The following MYO15A variants were observed in gnomAD, a reference collection of about 807,000 sequenced individuals.
MYO15A encodes unconventional myosin-XV.
MYO15A carries 308 observed loss-of-function variants against 394.6 expected under a neutral mutation model. The ratio of observed to expected loss-of-function variants is 0.78; its 90% confidence interval spans 0.71 to 0.86. The LOEUF is 0.86. Among genes scored for constraint, MYO15A ranks in the 40% least tolerant of loss-of-function variants. The pLI is 0.00. For synonymous variants in MYO15A, 1,957 were observed against 2,003.8 expected (o/e 0.98, Z 0.62); for missense variants, 4,606 against 4,799.1 (o/e 0.96, Z 1.19).
At chr17:18,146,413 T>C (rs977965033) in intron 30 of MYO15A, among the ~76,000 whole-genome samples, 1 of 152,122 alleles carries the variant, frequency 6.6e-6, no homozygotes, top group Non-Finnish European at 1.5e-5. Flanking sequence ...GAGAGTTTAA[T>C]GGGGTGGTTA....
intron 52 of MYO15A, 42 bp downstream of exon 52, chr17:18,158,680 C>A (rs758657760): frequency 1.2e-5 from 19 of 1,599,404 alleles, no homozygotes; most frequent in Middle Eastern, 1.6e-4. Context: ...TGGGAGGGTG[C>A]TGGGCTTCTT....
Position 18,153,886 on chromosome 17 carries a change from T to C in MYO15A, c.8078T>C (p.Leu2693Pro). 1.2e-6 allele frequency: 2 copies of C among 1,613,144 alleles called. No homozygotes were observed. Among genetic ancestry groups the C allele is most frequent in the South Asian group, 2.2e-5 (2 of 91,058 alleles). ...CAGGACGCCCCCTGGAAGATCTTCC[T>C]GCGCAAAGAGGTGCCGAGCACAGCC... ...GYQDAPWKIF[L>P]RKEVFYPKDS... Residue 2693 changes from leucine to proline, a missense_variant, in exon 43 of 66, where the codon CTG becomes CCG. Around this residue, in one of 2 missense-constraint regions of MYO15A, gnomAD observed 2,776 missense variants for 3,109.3 expected, o/e 0.89. Coordinates refer to ENST00000647165, the MANE Select transcript of MYO15A (RefSeq NM_016239.4). This position sits in a 1 kb window ranked among gnomAD's most constrained non-coding sequence, Gnocchi z 4.1.
Position 18,122,237 on chromosome 17 carries a change from A to G in MYO15A, c.3437A>G (p.Lys1146Arg). The G allele has an allele frequency of 2.5e-6, 4 of 1,613,192 alleles. No individual in the cohort carries two copies. Among genetic ancestry groups the G allele is most frequent in the Non-Finnish European group, 3.4e-6 (4 of 1,180,024 alleles). The change falls in exon 2 of 66, where the codon AAG becomes AGG. Residue 1146 changes from lysine (K) to arginine (R), a missense_variant. Coordinates refer to ENST00000647165, the MANE Select transcript of MYO15A (RefSeq NM_016239.4). ...KPQVQPIQDPKPRACSLRWSC... is the reference protein window; with the variant it reads ...KPQVQPIQDPRPRACSLRWSC... ...CAAGTCCAGCCCATTCAGGACCCCA[A>G]GCCAAGAGCCTGTAGTCTTCGCTGG...
chr17:18,124,290 GTC>G, intron 2 of MYO15A, 191 bp from the exon 3 acceptor site: 1 of 660,890 alleles, frequency 1.5e-6, no homozygotes. Flanking sequence ...GTATGCGTGT[GTC>G]TCATGTGTGA....
intron 56 of MYO15A, among the ~76,000 whole-genome samples, chr17:18,160,250 C>T (rs1454031922): frequency 6.6e-6 from 1 of 152,180 alleles, no homozygotes; most frequent in Non-Finnish European, 1.5e-5. Context: ...TGTGTAAGTC[C>T]AGATTCTTAG....
chr17:18,124,531 G>C lies in MYO15A; in HGVS notation c.3658G>C (p.Gly1220Arg), dbSNP rs146754758. ...LPSMRFREQH[G>R]EDGVEDMTQL... ...ATCCATGCGGTTCCGTGAGCAGCAC[G>C]GGGAGGATGGTGTGGAGGACATGAC... is the stretch of plus-strand genomic sequence containing the variant. The change falls in exon 3 of 66, where the codon GGG (glycine) becomes CGG (arginine). Residue 1220 changes from glycine (G) to arginine (R), a missense_variant. Transcript: ENST00000647165. 281 of 1,613,198 alleles carry C rather than the reference G, an allele frequency of 1.7e-4. 2 individuals carry two copies. The African/African-American group carries it at 3.2e-3, about 18-fold the overall frequency.
chr17:18,137,607 G>T lies in MYO15A; in HGVS notation c.4803G>T (p.Glu1601Asp). 1 of 1,614,072 alleles carries T rather than the reference G, an allele frequency of 6.2e-7. No individual in the cohort carries two copies. The change falls in exon 16 of 66, where the codon GAG (glutamate) becomes GAT (aspartate). Residue 1601 changes from glutamate (E) to aspartate (D), a missense_variant. Glu to Asp is a conservative substitution (Grantham distance 45, BLOSUM62 2). Coordinates refer to ENST00000647165, the MANE Select transcript of MYO15A (RefSeq NM_016239.4). The part of the protein sequence containing the change: ...GFEDLSFNSF[E>D]QLCINYANEN... The stretch of plus-strand genomic sequence containing the variant: ...AGGACCTGAGCTTCAACAGCTTTGA[G>T]CAGCTGTGTATTAACTACGCAAACG...
chr17:18,148,432 A>G lies in MYO15A; in HGVS notation c.6692-64A>G. On this transcript the variant is annotated intron_variant, in intron 31 of 65. Transcript: ENST00000647165. This position sits in a 1 kb window ranked among gnomAD's most constrained non-coding sequence, Gnocchi z 4.8. The stretch of plus-strand genomic sequence containing the variant: ...GGAAGCCTGAAAGGAAGAAGCAAGC[A>G]GGGAGGCACAGCCAAACTGGACTCA... 6.5e-7 allele frequency: 1 copy of G among 1,536,246 alleles called. No homozygotes were observed. The highest frequency in any genetic ancestry group is 8.8e-7 in the Non-Finnish European group (1 of 1,134,330).
Position 18,151,952 on chromosome 17 carries a change from G to A in MYO15A, c.7893+1G>A, listed in dbSNP as rs727503316. 9.0e-6 allele frequency: 14 copies of A among 1,557,572 alleles called. No individual in the cohort carries two copies. The highest frequency in any genetic ancestry group is 1.2e-5 in the Non-Finnish European group (14 of 1,149,842). ...CCTGGCAGCTGCACCTGGCACCCAGGTGAGGGGGGAAGGTGGGGCTGAGCC... is the reference window on the plus strand; with the variant it reads ...CCTGGCAGCTGCACCTGGCACCCAGATGAGGGGGGAAGGTGGGGCTGAGCC... On this transcript the variant is annotated splice_donor_variant, in intron 41 of 65. Transcript: ENST00000647165. LOFTEE classifies it high-confidence loss of function.
Position 18,148,698 on chromosome 17 carries a change from T to C in MYO15A, c.6765-63T>C, listed in dbSNP as rs948646603. The C allele has an allele frequency of 1.3e-6, 2 of 1,550,782 alleles. No homozygotes were observed. The highest frequency in any genetic ancestry group is 1.9e-5 in the Admixed American group (1 of 51,566). ...TTAGGGTCTGGCTTATAACCCAGGA[T>C]CTCCCCAGGTAGTGCCTGATGACTC... On this transcript the variant is annotated intron_variant, in intron 32 of 65. Transcript: ENST00000647165. The surrounding 1 kb of genome is among the most constrained non-coding windows in gnomAD (Gnocchi z 4.8).
intron 52 of MYO15A, 62 bp from the exon 53 acceptor site, chr17:18,158,863 T>A: frequency 6.3e-7 from 1 of 1,592,400 alleles, no homozygotes; most frequent in Non-Finnish European, 8.6e-7. Flanking sequence ...CTTTCCCATG[T>A]GGAAAAGGAT....
In MYO15A at chr17:18,119,849, A is replaced by G; in HGVS notation, c.1049A>G (p.Asp350Gly). ...TACCTGGATCCCTATGCGCCGTACGACGCGCCATACCCACCCTATGACCTC... is the reference window on the plus strand; with the variant it reads ...TACCTGGATCCCTATGCGCCGTACGGCGCGCCATACCCACCCTATGACCTC... Reference protein sequence around the residue: ...GYYLDPYAPYDAPYPPYDLPY... With the variant: ...GYYLDPYAPYGAPYPPYDLPY... Residue 350 changes from aspartate (D) to glycine (G), a missense_variant, in exon 2 of 66, where the codon GAC becomes GGC. Physicochemically the swap from Asp to Gly is moderately conservative, Grantham distance 94 (BLOSUM62 -1). This residue lies in a region of MYO15A where 1,830 missense variants were observed against 1,689.7 expected (regional missense o/e 1.08). Coordinates refer to ENST00000647165, the MANE Select transcript of MYO15A (RefSeq NM_016239.4). 1 of 1,613,060 alleles carries G rather than the reference A, an allele frequency of 6.2e-7. No individual in the cohort carries two copies. Among genetic ancestry groups the G allele is most frequent in the Non-Finnish European group, 8.5e-7 (1 of 1,179,970 alleles).
At position 18,152,006 on chromosome 17, in the gene MYO15A, T is replaced by G; in HGVS notation, c.7893+55T>G. ...GTGGAACAGAAGACAAAGAGGGGCCTCAGGGATCCTCAGAAACCAGCTACC... is the reference window on the plus strand; with the variant it reads ...GTGGAACAGAAGACAAAGAGGGGCCGCAGGGATCCTCAGAAACCAGCTACC... On this transcript the variant is annotated intron_variant, in intron 41 of 65. Transcript: ENST00000647165. The G allele has an allele frequency of 2.0e-6, 3 of 1,537,872 alleles. No individual in the cohort carries two copies. In the Middle Eastern group the frequency reaches 5.9e-4, roughly 303 times the overall value.
chr17:18,126,479 C>T (rs2046044266), intron 5 of MYO15A, 23 bp downstream of exon 5: 1 of 1,604,338 alleles, frequency 6.2e-7, no homozygotes, highest in Non-Finnish European at 8.5e-7. Flanking sequence ...GGGGCGCTGC[C>T]CTGGGGTCTC....
Position 18,145,909 on chromosome 17 carries a change from C to T in MYO15A, c.6311C>T (p.Ala2104Val). 6.2e-7 allele frequency: 1 copy of T among 1,613,506 alleles called. No individual in the cohort carries two copies. The highest frequency in any genetic ancestry group is 8.5e-7 in the Non-Finnish European group (1 of 1,180,016). ...RFMGDPHLHG[A>V]RENIFGNYIV... ...ATGGGCGACCCCCACCTGCATGGTG[C>T]CCGGGAGAACATCTTCGGGAACTAC... The change falls in exon 30 of 66, where the codon GCC (alanine) becomes GTC (valine). Residue 2104 changes from alanine (A) to valine (V), a missense_variant. By Grantham distance (64) the Ala-to-Val change is moderately conservative. Coordinates refer to ENST00000647165, the MANE Select transcript of MYO15A (RefSeq NM_016239.4).
At chr17:18,144,361 C>T (rs1363578122) in intron 28 of MYO15A, 136 bp from the exon 29 acceptor site, 4 of 825,774 alleles carry the variant, frequency 4.8e-6, no homozygotes, top group Non-Finnish European at 8.0e-6. Flanking sequence ...TCACCAGCCT[C>T]AGTTTCCCCA....
Position 18,167,718 on chromosome 17 carries a change from G to C in MYO15A, c.10077G>C (p.Pro3359=). ...GCGCCAAGGACCACTTCTACCTGCC[G>C]AGCGTGTGAGCATCTGCCCTCCTGC... ...QHRAKDHFYL[P]SVREVQEYIP... The change falls in exon 62 of 66, where the codon CCG becomes CCC. Residue 3359 remains proline, a synonymous_variant. Transcript: ENST00000647165. 1.9e-6 allele frequency: 3 copies of C among 1,602,958 alleles called. No individual in the cohort carries two copies. Among genetic ancestry groups the C allele is most frequent in the Non-Finnish European group, 1.7e-6 (2 of 1,179,940 alleles).
Position 18,150,784 on chromosome 17 carries a change from G to GC in MYO15A, c.7395+20dup. On this transcript the variant is annotated intron_variant, in intron 37 of 65. Transcript: ENST00000647165. This position sits in a 1 kb window ranked among gnomAD's most constrained non-coding sequence, Gnocchi z 4.4. Reference sequence around the variant, plus strand: ...GCTGCTGGTGAGTGAGGGAGGGACTGCTGGGGGGTGGAGAATGGACCTGCC... The same window carrying GC: ...GCTGCTGGTGAGTGAGGGAGGGACTGCCTGGGGGGTGGAGAATGGACCTGCC... The GC allele has an allele frequency of 1.3e-6, 2 of 1,580,610 alleles. No individual in the cohort carries two copies. Among genetic ancestry groups the GC allele is most frequent in the Non-Finnish European group, 8.6e-7 (1 of 1,162,342 alleles).
rs778035724 is a variant in MYO15A, at chr17:18,148,247, G to A, written c.6691+37G>A. On this transcript the variant is annotated intron_variant, in intron 31 of 65. Coordinates refer to ENST00000647165, the MANE Select transcript of MYO15A (RefSeq NM_016239.4). The surrounding 1 kb of genome is among the most constrained non-coding windows in gnomAD (Gnocchi z 4.8). ...TCCCCCACCTCAGTGAGGGCAGTGG[G>A]AGTCAGCAGGGCCCAGTGAGCCCCG... is the stretch of plus-strand genomic sequence containing the variant. The A allele has an allele frequency of 6.2e-7, 1 of 1,611,690 alleles. No individual in the cohort carries two copies. Among genetic ancestry groups the A allele is most frequent in the South Asian group, 1.1e-5 (1 of 90,890 alleles).
Sources: allele counts gnomAD v4.1 joint callset (sites outside exome capture counted in the v4.1 genomes callset), GRCh38; gene constraint gnomAD v4.1.1; regional missense constraint gnomAD v4.1.1; non-coding constraint Gnocchi (gnomAD v3.1); transcripts MANE v1.5; gene names NCBI Gene and HGNC (gene_info 2026-07-23, HGNC 2026-07-21).